Variants in CPNE8 observed in about 807,000 individuals in gnomAD.
CPNE8 encodes copine 8, also known as copine-8.
CPNE8 carries 45 observed loss-of-function variants against 81.5 expected under a neutral mutation model. The ratio of observed to expected loss-of-function variants is 0.55; its 90% CI spans 0.44 to 0.71. The LOEUF (loss-of-function observed/expected upper bound fraction) is 0.71, where lower values mean the gene tolerates loss of function less well. Among genes scored for constraint, CPNE8 ranks in the 30% least tolerant of loss-of-function variants. The pLI is 0.00. For missense variants in CPNE8, 594 were observed against 672.1 expected (o/e 0.88, Z 1.28); for synonymous variants, 252 against 226.3 (o/e 1.11, Z -1.02).
intron 1 of CPNE8, among the ~76,000 whole-genome samples, chr12:38,891,726 C>A (rs1169227314): frequency 6.6e-6 from 1 of 152,138 alleles, no homozygotes; most frequent in Non-Finnish European, 1.5e-5. Context: ...GGATTACAGG[C>A]GTGAGCCACC....
rs74086039 is a variant in CPNE8 at position 38,880,496 on chromosome 12, T to C, written c.99-5985A>G. Reference sequence around the variant, plus strand: ...CTAGCATTTGGGGCCTTTGCTCTAATAGGTAATCCATTAACTGAAAATCCC... The same window carrying C: ...CTAGCATTTGGGGCCTTTGCTCTAACAGGTAATCCATTAACTGAAAATCCC... On this transcript the variant is annotated intron_variant, in intron 1 of 19. Transcript: ENST00000331366. Among the ~76,000 whole-genome samples, 1,028 of 152,314 alleles carry C rather than the reference T, an allele frequency of 6.7e-3. 11 individuals carry two copies. The highest frequency in any genetic ancestry group is 0.024 in the African/African-American group (987 of 41,568).
At chr12:38,774,379 A>C (rs144497585) in intron 7 of CPNE8, among the ~76,000 whole-genome samples, 1 of 152,192 alleles carries the variant, frequency 6.6e-6, no homozygotes, top group Non-Finnish European at 1.5e-5. Flanking sequence ...CATACAAAAC[A>C]TATATTATTT....
chr12:38,840,084 A>G (rs1943444168), intron 4 of CPNE8, 129 bp from the exon 5 acceptor site: 7 of 945,796 alleles, frequency 7.4e-6, no homozygotes, highest in Non-Finnish European at 8.8e-6. Context: ...AGAAAAACTT[A>G]GCAAATTTTA....
chr12:38,862,213 CTG>C (rs1943846758), intron 3 of CPNE8, among the ~76,000 whole-genome samples: 1 of 151,846 alleles, frequency 6.6e-6, no homozygotes, highest in Non-Finnish European at 1.5e-5. Flanking sequence ...AAGATCCTGA[CTG>C]TGTAACTGTA....
chr12:38,845,458 C>G (rs1319674737), intron 4 of CPNE8, among the ~76,000 whole-genome samples: 2 of 152,040 alleles, frequency 1.3e-5, no homozygotes, highest in African/African-American at 4.8e-5. Context: ...TGCAGTAGTT[C>G]TCTGGGTAGT....
At chr12:38,783,148 A>G (rs961530997) in intron 6 of CPNE8, among the ~76,000 whole-genome samples, 12 of 152,318 alleles carry the variant, frequency 7.9e-5, no homozygotes, top group Non-Finnish European at 1.2e-4. Context: ...AGATTATTAG[A>G]GATGAGTAAT....
intron 13 of CPNE8, among the ~76,000 whole-genome samples, chr12:38,718,468 C>G (rs1217348076): frequency 1.3e-5 from 2 of 151,930 alleles, no homozygotes; most frequent in Non-Finnish European, 2.9e-5. Context: ...ATGAAAATAG[C>G]TGATAAAAAG....
intron 3 of CPNE8, among the ~76,000 whole-genome samples, chr12:38,860,878 T>C (rs1943821409): frequency 1.3e-5 from 2 of 152,170 alleles, no homozygotes; most frequent in African/African-American, 4.8e-5. Flanking sequence ...TCAAAGGGTA[T>C]TAAGTTTCAG....
intron 3 of CPNE8, among the ~76,000 whole-genome samples, chr12:38,864,313 A>G (rs893805737): frequency 2.0e-5 from 3 of 152,136 alleles, no homozygotes; most frequent in Non-Finnish European, 4.4e-5. Flanking sequence ...ATCATCATCC[A>G]TTTATTTACT....
At chr12:38,758,852 T>C (rs919667003) in intron 10 of CPNE8, among the ~76,000 whole-genome samples, 4 of 152,146 alleles carry the variant, frequency 2.6e-5, no homozygotes, top group Non-Finnish European at 4.4e-5. Flanking sequence ...CAGAAATAGA[T>C]TGGAGACAAT....
At chr12:38,740,597 G>A (rs1941075625) in intron 10 of CPNE8, among the ~76,000 whole-genome samples, 1 of 152,186 alleles carries the variant, frequency 6.6e-6, no homozygotes, top group South Asian at 2.1e-4. Context: ...TTTTTAGCAT[G>A]AAGGACTGTT....
chr12:38,788,798 T>A (rs1942259234), intron 6 of CPNE8, among the ~76,000 whole-genome samples: 1 of 151,774 alleles, frequency 6.6e-6, no homozygotes, highest in African/African-American at 2.4e-5. Flanking sequence ...ATCAGTAGAA[T>A]TTCTGTATGT....
chr12:38,685,781 T>A, intron 15 of CPNE8, 164 bp from the exon 16 acceptor site: 1 of 555,612 alleles, frequency 1.8e-6, no homozygotes, highest in Non-Finnish European at 3.1e-6. Context: ...ATTAAGTAAG[T>A]GATCAACAAT....
At chr12:38,835,906 C>A (rs1336367641) in intron 5 of CPNE8, among the ~76,000 whole-genome samples, 3 of 151,970 alleles carry the variant, frequency 2.0e-5, no homozygotes, top group African/African-American at 7.2e-5. Flanking sequence ...CCGCAACCAA[C>A]CAAGTGGATA....
chr12:38,895,486 G>T (rs139293572), intron 1 of CPNE8, among the ~76,000 whole-genome samples: 1 of 151,966 alleles, frequency 6.6e-6, no homozygotes, highest in African/African-American at 2.4e-5. Flanking sequence ...CTGATTTCTA[G>T]CTAAATAGTC....
intron 10 of CPNE8, among the ~76,000 whole-genome samples, chr12:38,745,099 T>C (rs1409222278): frequency 1.3e-5 from 2 of 152,316 alleles, no homozygotes; most frequent in Middle Eastern, 3.4e-3. Flanking sequence ...CAGTCTGTCA[T>C]TACAGGCCTT....
At chr12:38,851,094 T>C (rs1943638864) in intron 3 of CPNE8, among the ~76,000 whole-genome samples, 1 of 152,224 alleles carries the variant, frequency 6.6e-6, no homozygotes, top group African/African-American at 2.4e-5. Flanking sequence ...CGCCTTGATC[T>C]TGGGCTTCCC....
intron 7 of CPNE8, among the ~76,000 whole-genome samples, chr12:38,769,589 T>C (rs1196360986): frequency 1.3e-5 from 2 of 152,174 alleles, no homozygotes; most frequent in African/African-American, 4.8e-5. Context: ...ATGGGGACAT[T>C]CCAAGGACAT....
intron 1 of CPNE8, among the ~76,000 whole-genome samples, chr12:38,891,722 C>T (rs1299143389): frequency 6.6e-6 from 1 of 152,226 alleles, no homozygotes; most frequent in Non-Finnish European, 1.5e-5. Flanking sequence ...GCTGGGATTA[C>T]AGGCGTGAGC....
Sources: gnomAD v4.1 joint callset for allele counts (sites outside exome capture counted in the v4.1 genomes callset) on GRCh38, gnomAD v4.1.1 for gene constraint, MANE v1.5 for transcripts, NCBI Gene and HGNC (gene_info 2026-07-23, HGNC 2026-07-21) for gene names.